Variants in FGF12 observed in about 807,000 individuals in gnomAD.
FGF12 encodes fibroblast growth factor 12, also known as fibroblast growth factor 12B.
Under a neutral mutation model 23.6 loss-of-function variants are expected in FGF12, and 14 were observed. That is an observed-to-expected ratio of 0.59 (90% CI 0.39 to 0.93). FGF12 has a LOEUF of 0.93. Among genes scored for constraint, FGF12 ranks in the 40% least tolerant of loss-of-function variants. The probability of loss-of-function intolerance (pLI) is 0.00; values close to 1 mark genes in which losing one functional copy is unlikely to be tolerated. For synonymous variants in FGF12, 62 were observed against 77.3 expected (o/e 0.80, Z 1.04); for missense variants, 175 against 217.8 (o/e 0.80, Z 1.24).
chr3:192,522,492 T>C (rs1724846859), intron 2 of FGF12, among the ~76,000 whole-genome samples: 1 of 152,310 alleles, frequency 6.6e-6, no homozygotes, highest in Non-Finnish European at 1.5e-5. Flanking sequence ...ATGGGAACCC[T>C]CATACATTCT....
intron 2 of FGF12, among the ~76,000 whole-genome samples, chr3:192,457,869 G>A (rs1255381501): frequency 6.6e-6 from 1 of 152,218 alleles, no homozygotes; most frequent in Non-Finnish European, 1.5e-5. Flanking sequence ...CAGGCCTGGA[G>A]GCCAAGGAGA....
intron 2 of FGF12, among the ~76,000 whole-genome samples, chr3:192,427,938 A>C (rs1373294193): frequency 6.6e-6 from 1 of 152,214 alleles, no homozygotes; most frequent in Non-Finnish European, 1.5e-5. Context: ...CTTAGATCAG[A>C]GTGCAGACTC....
chr3:192,643,817 G>A (rs1412067075), intron 2 of FGF12, among the ~76,000 whole-genome samples: 1 of 152,190 alleles, frequency 6.6e-6, no homozygotes, highest in African/African-American at 2.4e-5. Context: ...GAATTTTGGT[G>A]AAACAATACA....
intron 2 of FGF12, among the ~76,000 whole-genome samples, chr3:192,394,287 C>A (rs1421354349): frequency 3.3e-5 from 5 of 152,114 alleles, no homozygotes; most frequent in Admixed American, 3.3e-4. Flanking sequence ...ATGCTAGAAA[C>A]AAGGAAAATT....
chr3:192,229,577 A>G (rs965528794), intron 4 of FGF12, among the ~76,000 whole-genome samples: 1 of 152,052 alleles, frequency 6.6e-6, no homozygotes, highest in Non-Finnish European at 1.5e-5. Flanking sequence ...AACTATCACT[A>G]TTAAGTGATA....
chr3:192,589,171 C>T (rs1324211836), intron 2 of FGF12, among the ~76,000 whole-genome samples: 1 of 151,630 alleles, frequency 6.6e-6, no homozygotes, highest in African/African-American at 2.4e-5. Context: ...CCCATCTCTA[C>T]TAAAAACACA....
At chr3:192,503,671 T>C (rs1441361852) in intron 2 of FGF12, among the ~76,000 whole-genome samples, 1 of 145,870 alleles carries the variant, frequency 6.9e-6, no homozygotes, top group African/African-American at 2.5e-5. Flanking sequence ...AATGGCGCAA[T>C]CTCGGCTCAC....
chr3:192,317,471 A>G (rs1399095031), intron 4 of FGF12, among the ~76,000 whole-genome samples: 1 of 151,094 alleles, frequency 6.6e-6, no homozygotes, highest in Non-Finnish European at 1.5e-5. Context: ...CAGGGATGGT[A>G]GTGGCCACAG....
rs544824455 is a variant in FGF12 at position 192,212,369 on chromosome 3, C to G, written c.229-41713G>C. ...GAAGAGATTTCCCATAAAACGTCAA[C>G]TCTGATTTAGTTCAGGCAGTTAGTT... On this transcript the variant is annotated intron_variant, in intron 4 of 5. Transcript: ENST00000445105. 2.6e-5 allele frequency among the ~76,000 whole-genome samples: 4 copies of G among 151,756 alleles called. No homozygotes were observed. The South Asian group carries it at 6.2e-4, about 24-fold the overall frequency.
At chr3:192,298,170 T>C (rs1715147079) in intron 4 of FGF12, among the ~76,000 whole-genome samples, 1 of 152,232 alleles carries the variant, frequency 6.6e-6, no homozygotes, top group South Asian at 2.1e-4. Flanking sequence ...TGTTCATTCA[T>C]TTAACCAGTC....
intron 4 of FGF12, among the ~76,000 whole-genome samples, chr3:192,266,459 G>T (rs752987577): frequency 3.4e-4 from 51 of 152,180 alleles, no homozygotes; most frequent in Admixed American, 3.3e-4. Context: ...TATCTAGGAG[G>T]TTCAGTCAAA....
At chr3:192,162,916 A>G (rs1714958951) in intron 5 of FGF12, among the ~76,000 whole-genome samples, 1 of 152,136 alleles carries the variant, frequency 6.6e-6, no homozygotes, top group Admixed American at 6.6e-5. Context: ...TTTCCAATAC[A>G]AAACACAGTA....
intron 4 of FGF12, among the ~76,000 whole-genome samples, chr3:192,290,931 G>A (rs1238306695): frequency 6.6e-6 from 1 of 152,168 alleles, no homozygotes; most frequent in East Asian, 1.9e-4. Context: ...TAACATACAT[G>A]TATATACACA....
chr3:192,427,499 T>G (rs946537783), intron 2 of FGF12, among the ~76,000 whole-genome samples: 1 of 152,190 alleles, frequency 6.6e-6, no homozygotes. Context: ...ACAGATGAAT[T>G]TTTAAATTAG....
rs900119223 is a variant in FGF12 at position 192,395,556 on chromosome 3, T to C, written c.14-35018A>G. 3.3e-5 allele frequency among the ~76,000 whole-genome samples: 5 copies of C among 152,352 alleles called. No individual in the cohort carries two copies. The South Asian group carries it at 1.0e-3, about 32-fold the overall frequency. On this transcript the variant is annotated intron_variant, in intron 2 of 5. Coordinates refer to ENST00000445105, the MANE Select transcript of FGF12 (RefSeq NM_004113.6). ...TTAGTCACCAATGGAATTAATTTCGTTTTGATGAATTATTTCTGATCACCT... is the reference window on the plus strand; with the variant it reads ...TTAGTCACCAATGGAATTAATTTCGCTTTGATGAATTATTTCTGATCACCT...
intron 2 of FGF12, among the ~76,000 whole-genome samples, chr3:192,639,457 G>GC (rs1560177832): frequency 6.6e-6 from 1 of 152,104 alleles, no homozygotes; most frequent in Non-Finnish European, 1.5e-5. Context: ...CTGGGCATAC[G>GC]CCCCCAAAAA....
intron 5 of FGF12, among the ~76,000 whole-genome samples, chr3:192,158,437 TC>T (rs1714637870): frequency 7.0e-6 from 1 of 142,182 alleles, no homozygotes; most frequent in Non-Finnish European, 1.5e-5. Flanking sequence ...CTTTTTTCTT[TC>T]TTTCTTTCTT....
At chr3:192,191,462 T>C (rs1296587573) in intron 4 of FGF12, among the ~76,000 whole-genome samples, 3 of 152,230 alleles carry the variant, frequency 2.0e-5, no homozygotes, top group Non-Finnish European at 4.4e-5. Context: ...GTGGAGGCTA[T>C]GCATGTGTGT....
At chr3:192,337,376 T>A (rs996872035) in intron 3 of FGF12, among the ~76,000 whole-genome samples, 9 of 152,114 alleles carry the variant, frequency 5.9e-5, no homozygotes, top group African/African-American at 1.7e-4. Flanking sequence ...GTTAGGTGGT[T>A]TTGCAGAGTA....
Sources: gnomAD v4.1 joint callset for allele counts (sites outside exome capture counted in the v4.1 genomes callset) on GRCh38, gnomAD v4.1.1 for gene constraint, MANE v1.5 for transcripts, NCBI Gene and HGNC (gene_info 2026-07-23, HGNC 2026-07-21) for gene names.